DOCK8: variants seen among roughly 807,000 people sequenced by gnomAD.
The protein encoded by DOCK8 is dedicator of cytokinesis protein 8.
Under a neutral mutation model 245.6 loss-of-function variants are expected in DOCK8, and 141 were observed. That is an observed-to-expected ratio of 0.57 (90% CI 0.50 to 0.66). The LOEUF is 0.66. DOCK8 is among the 30% of genes least tolerant of loss of function. The pLI, the probability that DOCK8 is intolerant of heterozygous loss-of-function variation, is 0.00. For synonymous variants in DOCK8, 1,168 were observed against 970.2 expected (o/e 1.20, Z -3.79); for missense variants, 2,965 against 2,603.4 (o/e 1.14, Z -3.02).
At chr9:397,027 A>G (rs1294500009) in intron 25 of DOCK8, 93 bp downstream of exon 25, 3 of 1,345,068 alleles carry the variant, frequency 2.2e-6, no homozygotes, top group Non-Finnish European at 2.1e-6. Context: ...TTTTAAAACA[A>G]TAATTAAAAT....
intron 22 of DOCK8, among the ~76,000 whole-genome samples, chr9:384,506 G>T (rs1403205124): frequency 6.6e-6 from 1 of 152,216 alleles, no homozygotes; most frequent in Non-Finnish European, 1.5e-5. Flanking sequence ...CGCCAATACT[G>T]CCCCGCTGTG....
At chr9:450,774 T>C (rs1306979968) in intron 45 of DOCK8, among the ~76,000 whole-genome samples, 1 of 150,400 alleles carries the variant, frequency 6.6e-6, no homozygotes, top group Non-Finnish European at 1.5e-5. Flanking sequence ...AATCCTTTGA[T>C]AAAATGGAAG....
chr9:406,043 C>A (rs540746398), intron 27 of DOCK8, among the ~76,000 whole-genome samples: 1 of 152,312 alleles, frequency 6.6e-6, no homozygotes, highest in South Asian at 2.1e-4. Flanking sequence ...TTTCTAAAGA[C>A]ACTTTAGATG....
chr9:364,996 A>G (rs554598850), intron 14 of DOCK8, among the ~76,000 whole-genome samples: 2 of 152,316 alleles, frequency 1.3e-5, no homozygotes, highest in Admixed American at 1.3e-4. Context: ...CCCTCTGGGG[A>G]ACAGAAGGCA....
At chr9:461,527 ATTTTTTT>A (rs530827485) in intron 46 of DOCK8, among the ~76,000 whole-genome samples, 8 of 67,262 alleles carry the variant, frequency 1.2e-4, no homozygotes, top group South Asian at 5.5e-4. Flanking sequence ...TAGCAACTGC[ATTTTTTT>A]TTTTTTTTTT....
intron 28 of DOCK8, among the ~76,000 whole-genome samples, chr9:413,495 G>A (rs2055849975): frequency 2.0e-5 from 3 of 152,042 alleles, no homozygotes; most frequent in Admixed American, 2.0e-4. Flanking sequence ...GAAAATATTT[G>A]CAAATCAAAA....
intron 25 of DOCK8, among the ~76,000 whole-genome samples, chr9:397,528 A>C (rs1564007442): frequency 6.6e-6 from 1 of 151,534 alleles, no homozygotes; most frequent in Non-Finnish European, 1.5e-5. Context: ...GTCTCTACTA[A>C]AAATATGGAA....
At chr9:391,821 CTTTTT>C (rs373810616) in intron 24 of DOCK8, among the ~76,000 whole-genome samples, 35,096 of 115,948 alleles carry the variant, frequency 0.3, 4,857 homozygotes, top group African/African-American at 0.4. Flanking sequence ...TTAAGTGAAT[CTTTTT>C]TTTTTTTTTT....
intron 5 of DOCK8, 100 bp downstream of exon 5, chr9:304,804 A>G: frequency 6.5e-7 from 1 of 1,538,060 alleles, no homozygotes; most frequent in Non-Finnish European, 9.0e-7. Context: ...GACGCATAGA[A>G]AGTTTGAGTA....
intron 28 of DOCK8, among the ~76,000 whole-genome samples, chr9:408,880 A>G (rs1316297146): frequency 0.044 from 5,002 of 114,362 alleles, 287 homozygotes; most frequent in African/African-American, 0.17. Context: ...ACACACACAC[A>G]CACACACGCA....
chr9:400,947 T>TC (rs1268171943), intron 26 of DOCK8, among the ~76,000 whole-genome samples: 3 of 28,550 alleles, frequency 1.1e-4, no homozygotes, highest in East Asian at 3.2e-3. Flanking sequence ...ACCACCACCA[T>TC]CACCACCACC....
chr9:399,199 C>A lies in DOCK8; in HGVS notation c.3174C>A (p.Asp1058Glu). 6.2e-7 allele frequency: 1 copy of A among 1,613,938 alleles called. No individual in the cohort carries two copies. The highest frequency in any genetic ancestry group is 8.5e-7 in the Non-Finnish European group (1 of 1,179,992). The change falls in exon 26 of 48, where the codon GAC becomes GAA. Residue 1058 changes from aspartate (D) to glutamate (E), a missense_variant. Asp to Glu is a conservative substitution (Grantham distance 45). Coordinates refer to ENST00000432829, the MANE Select transcript of DOCK8 (RefSeq NM_203447.4). The stretch of plus-strand genomic sequence containing the variant: ...TCAGCCTGGCTTTCTTCTTGTATGA[C>A]CTTCTCTCCCTCATGGATCGGGGCT... ...MNISLAFFLY[D>E]LLSLMDRGFV...
At chr9:396,976 G>T in intron 25 of DOCK8, 42 bp downstream of exon 25, 2 of 1,573,194 alleles carry the variant, frequency 1.3e-6, no homozygotes, top group South Asian at 1.1e-5. Flanking sequence ...TGTTTACCTG[G>T]AACATATATT....
At chr9:258,416 G>A (rs1368972995) in intron 1 of DOCK8, among the ~76,000 whole-genome samples, 1 of 152,158 alleles carries the variant, frequency 6.6e-6, no homozygotes, top group African/African-American at 2.4e-5. Context: ...AAATCAGAGT[G>A]GAGAAATGAG....
At chr9:221,067 C>T (rs999280150) in intron 1 of DOCK8, among the ~76,000 whole-genome samples, 4 of 152,034 alleles carry the variant, frequency 2.6e-5, no homozygotes, top group Non-Finnish European at 5.9e-5. Flanking sequence ...TTTGCTGTAT[C>T]GACAACAGTG....
At chr9:355,187 C>CTTTTCTTTTCTTTTTTTTT in intron 14 of DOCK8, among the ~76,000 whole-genome samples, 1 of 26,656 alleles carries the variant, frequency 3.8e-5, no homozygotes, top group Non-Finnish European at 8.0e-5. Context: ...ATTTCTGTTT[C>CTTTTCTTTTCTTTTTTTTT]TTTTCTTTTT....
chr9:387,945 A>G (rs778810942), intron 23 of DOCK8, among the ~76,000 whole-genome samples: 2 of 152,202 alleles, frequency 1.3e-5, no homozygotes, highest in African/African-American at 4.8e-5. Flanking sequence ...AGTTTGGCCA[A>G]TATGTTTCCT....
intron 26 of DOCK8, among the ~76,000 whole-genome samples, chr9:400,949 A>ACTACCT (rs2055018604): frequency 1.8e-5 from 2 of 113,386 alleles, no homozygotes; most frequent in South Asian, 3.1e-4. Context: ...CACCACCATC[A>ACTACCT]CCACCACCAC....
At chr9:451,064 G>A (rs908603564) in intron 45 of DOCK8, among the ~76,000 whole-genome samples, 4 of 152,102 alleles carry the variant, frequency 2.6e-5, no homozygotes, top group African/African-American at 9.7e-5. Flanking sequence ...TATAATCCCA[G>A]CACTGTGGGA....
Sources: allele counts gnomAD v4.1 joint callset (sites outside exome capture counted in the v4.1 genomes callset), GRCh38; gene constraint gnomAD v4.1.1; transcripts MANE v1.5; gene names NCBI Gene and HGNC (gene_info 2026-07-23, HGNC 2026-07-21).